ATG10: variants seen among roughly 807,000 people sequenced by gnomAD.
ATG10 encodes the protein ubiquitin-like-conjugating enzyme ATG10.
In ATG10, 30 loss-of-function variants were observed where a neutral mutation model predicts 32.1. The observed-to-expected ratio is 0.94, with a 90% CI of 0.70 to 1.27. ATG10 has a LOEUF of 1.27. ATG10 is among the 50% of genes most tolerant of loss of function. The pLI, the probability that ATG10 is intolerant of heterozygous loss-of-function variation, is 0.00. For synonymous variants in ATG10, 87 were observed against 91.5 expected (o/e 0.95, Z 0.28); for missense variants, 233 against 262.3 (o/e 0.89, Z 0.77).
chr5:82,069,245 T>C (rs1008616233), intron 3 of ATG10, among the ~76,000 whole-genome samples: 1 of 152,168 alleles, frequency 6.6e-6, no homozygotes, highest in Non-Finnish European at 1.5e-5. Context: ...GCTTCAGATA[T>C]TAAAATGATT....
chr5:82,049,779 CAA>C, intron 2 of ATG10, among the ~76,000 whole-genome samples: 1 of 152,074 alleles, frequency 6.6e-6, no homozygotes, highest in East Asian at 1.9e-4. Context: ...AAAATAAAAA[CAA>C]AAATTAGTTT....
intron 2 of ATG10, among the ~76,000 whole-genome samples, chr5:82,008,006 T>A (rs1166017432): frequency 6.6e-6 from 1 of 152,240 alleles, no homozygotes; most frequent in Admixed American, 6.5e-5. Context: ...ACAGGTTTTT[T>A]AAGAATAATA....
At position 82,206,085 on chromosome 5, in the gene ATG10, G is replaced by C. The variant is rs527553248; in HGVS notation, c.453+27498G>C. 3.3e-5 allele frequency among the ~76,000 whole-genome samples: 5 copies of C among 152,270 alleles called. No individual in the cohort carries two copies. The South Asian group carries it at 1.0e-3, about 32-fold the overall frequency. On this transcript the variant is annotated intron_variant, in intron 5 of 7. Coordinates refer to ENST00000282185, the MANE Select transcript of ATG10 (RefSeq NM_031482.5). ...TGGTCTGAGAGTTGTTTTAAAGTGG[G>C]GAGTGATTCTTGTATTGATAAGTTT...
chr5:82,056,391 G>A (rs911152078), intron 2 of ATG10, among the ~76,000 whole-genome samples: 1 of 149,936 alleles, frequency 6.7e-6, no homozygotes, highest in Non-Finnish European at 1.5e-5. Context: ...CCTCTGAGTT[G>A]CAGAGCCAAC....
intron 2 of ATG10, among the ~76,000 whole-genome samples, chr5:82,016,471 G>A (rs1762289703): frequency 6.6e-6 from 1 of 152,050 alleles, no homozygotes; most frequent in Admixed American, 6.5e-5. Context: ...ATGCTGTTTT[G>A]GTGACTATGG....
chr5:81,978,620 A>G lies in ATG10; in HGVS notation c.-13+6314A>G, dbSNP rs953126160. Among the ~76,000 whole-genome samples, 6 of 152,146 alleles carry G rather than the reference A, an allele frequency of 3.9e-5. No homozygotes were observed. In the East Asian group the frequency reaches 1.2e-3, roughly 29 times the overall value. On this transcript the variant is annotated intron_variant, in intron 1 of 7. Transcript: ENST00000282185. ...TTTTGATAAAAGTAATGATACTGGT[A>G]TCAGAAAGATTGGATGTCATATAGA...
chr5:82,030,919 G>A lies in ATG10; in HGVS notation c.109-27576G>A, dbSNP rs143661674. ...AGGTTTTTATTTTTATTCATGATAG[G>A]TATCATCTCATTTTTGCTTGTGACT... is the stretch of plus-strand genomic sequence containing the variant. On this transcript the variant is annotated intron_variant, in intron 2 of 7. Transcript: ENST00000282185. Among the ~76,000 whole-genome samples, 674 of 152,006 alleles carry A rather than the reference G, an allele frequency of 4.4e-3. 3 individuals are homozygous for A. The highest frequency in any genetic ancestry group is 0.014 in the Middle Eastern group (4 of 294).
chr5:81,983,169 G>A (rs1761111672), intron 1 of ATG10, among the ~76,000 whole-genome samples: 1 of 151,374 alleles, frequency 6.6e-6, no homozygotes, highest in African/African-American at 2.4e-5. Context: ...CGGGGCGGCT[G>A]GCCGGGCGGG....
At chr5:82,028,610 G>A (rs1430850914) in intron 2 of ATG10, among the ~76,000 whole-genome samples, 1 of 152,154 alleles carries the variant, frequency 6.6e-6, no homozygotes, top group Non-Finnish European at 1.5e-5. Context: ...TGCAACTGAG[G>A]CTGCTTCACT....
chr5:82,049,940 A>G (rs982927245), intron 2 of ATG10, among the ~76,000 whole-genome samples: 1 of 152,172 alleles, frequency 6.6e-6, no homozygotes, highest in African/African-American at 2.4e-5. Flanking sequence ...TTTCTACAAG[A>G]AAAAATAACA....
At chr5:82,224,411 T>C (rs1746039447) in intron 5 of ATG10, among the ~76,000 whole-genome samples, 1 of 152,214 alleles carries the variant, frequency 6.6e-6, no homozygotes, top group Non-Finnish European at 1.5e-5. Flanking sequence ...ATAGCTCTCA[T>C]TGCATATTGA....
intron 5 of ATG10, among the ~76,000 whole-genome samples, chr5:82,182,506 G>C (rs575103044): frequency 3.3e-4 from 50 of 152,198 alleles, no homozygotes; most frequent in South Asian, 2.5e-3. Context: ...ACAGAGAGTA[G>C]CATACCATTA....
At chr5:82,171,705 A>G (rs1743815721) in intron 4 of ATG10, among the ~76,000 whole-genome samples, 1 of 152,222 alleles carries the variant, frequency 6.6e-6, no homozygotes, top group Non-Finnish European at 1.5e-5. Flanking sequence ...TTATGTGAGT[A>G]TGAGGGTTTT....
intron 2 of ATG10, among the ~76,000 whole-genome samples, chr5:82,050,500 C>A (rs1434921438): frequency 6.6e-6 from 1 of 151,826 alleles, no homozygotes; most frequent in African/African-American, 2.4e-5. Context: ...ATAATTTAGT[C>A]CTCTGTGCTT....
At chr5:82,206,374 G>A (rs566245381) in intron 5 of ATG10, among the ~76,000 whole-genome samples, 23 of 152,164 alleles carry the variant, frequency 1.5e-4, no homozygotes, top group African/African-American at 4.8e-4. Context: ...CTCACCGGGC[G>A]CGGTGGCTCA....
intron 3 of ATG10, among the ~76,000 whole-genome samples, chr5:82,083,968 A>G (rs1380220554): frequency 1.3e-5 from 2 of 152,204 alleles, no homozygotes; most frequent in Admixed American, 6.5e-5. Context: ...ACAAAGCTGG[A>G]TGGAGAATGA....
At chr5:82,045,809 C>A (rs1456199115) in intron 2 of ATG10, among the ~76,000 whole-genome samples, 1 of 152,080 alleles carries the variant, frequency 6.6e-6, no homozygotes, top group Non-Finnish European at 1.5e-5. Flanking sequence ...TGTCCCTCCT[C>A]TCTGCTAACT....
At chr5:82,152,755 A>G (rs1177260671) in intron 3 of ATG10, among the ~76,000 whole-genome samples, 1 of 152,208 alleles carries the variant, frequency 6.6e-6, no homozygotes, top group Admixed American at 6.5e-5. Flanking sequence ...TATACAAAAT[A>G]TATCATATAG....
At chr5:82,186,617 A>T (rs1267850710) in intron 5 of ATG10, among the ~76,000 whole-genome samples, 1 of 139,426 alleles carries the variant, frequency 7.2e-6, no homozygotes, top group African/African-American at 2.7e-5. Context: ...TTTTTCAGAC[A>T]GAGTCTTGCT....
Sources: allele counts gnomAD v4.1 joint callset (sites outside exome capture counted in the v4.1 genomes callset), GRCh38; gene constraint gnomAD v4.1.1; transcripts MANE v1.5; gene names NCBI Gene and HGNC (gene_info 2026-07-23, HGNC 2026-07-21).